Variants in CSMD3 observed in about 807,000 individuals in gnomAD.
CSMD3 encodes CUB and Sushi multiple domains 3.
CSMD3 carries 177 observed loss-of-function variants against 435.2 expected under a neutral mutation model. That is an observed-to-expected ratio of 0.41 (90% confidence interval 0.36 to 0.46). The LOEUF is 0.46. Ranked by LOEUF, CSMD3 falls within the 20% of genes least tolerant of loss-of-function variation. The pLI, the probability that CSMD3 is intolerant of heterozygous loss-of-function variation, is 0.34. For synonymous variants in CSMD3, 1,656 were observed against 1,520.5 expected, an observed-to-expected ratio of 1.09 and a Z score of -2.07; for missense variants, 4,265 against 4,504.6, an observed-to-expected ratio of 0.95 and a Z score of 1.52.
At chr8:112,483,017 C>T (rs1454509898) in intron 31 of CSMD3, among the ~76,000 whole-genome samples, 3 of 152,018 alleles carry the variant, frequency 2.0e-5, no homozygotes, top group African/African-American at 7.2e-5. Flanking sequence ...TAGCATAGTA[C>T]CTGTTTTTAT....
intron 59 of CSMD3, among the ~76,000 whole-genome samples, chr8:112,268,354 A>G (rs1169649264): frequency 6.6e-6 from 1 of 152,250 alleles, no homozygotes; most frequent in East Asian, 1.9e-4. Flanking sequence ...GGCATCATTT[A>G]TGATAAATCT....
intron 32 of CSMD3, among the ~76,000 whole-genome samples, chr8:112,447,697 T>C (rs1052599040): frequency 1.3e-5 from 2 of 152,184 alleles, no homozygotes; most frequent in Non-Finnish European, 2.9e-5. Flanking sequence ...CAAAAATACA[T>C]GCAAAATACC....
chr8:113,015,264 A>G (rs2086411768), intron 6 of CSMD3, among the ~76,000 whole-genome samples: 1 of 152,116 alleles, frequency 6.6e-6, no homozygotes, highest in African/African-American at 2.4e-5. Flanking sequence ...CTTTCAATAG[A>G]AGATGCCCAG....
chr8:112,679,501 A>G (rs1213578194), intron 16 of CSMD3, among the ~76,000 whole-genome samples: 1 of 152,148 alleles, frequency 6.6e-6, no homozygotes, highest in Non-Finnish European at 1.5e-5. Flanking sequence ...GAAACTTCAT[A>G]AGGGTTCTCT....
At chr8:113,016,343 G>T (rs1440502628) in intron 6 of CSMD3, among the ~76,000 whole-genome samples, 1 of 151,718 alleles carries the variant, frequency 6.6e-6, no homozygotes, top group African/African-American at 2.4e-5. Context: ...AATATCTAAA[G>T]CATTCAGGAA....
chr8:112,296,488 T>C (rs1458541281), intron 53 of CSMD3, among the ~76,000 whole-genome samples: 1 of 151,310 alleles, frequency 6.6e-6, no homozygotes, highest in Non-Finnish European at 1.5e-5. Context: ...AGGTGGAGCT[T>C]GCAGTGAGCG....
At chr8:113,125,566 A>G (rs1053766607) in intron 4 of CSMD3, among the ~76,000 whole-genome samples, 10 of 151,914 alleles carry the variant, frequency 6.6e-5, no homozygotes, top group Admixed American at 5.3e-4. Context: ...AGAAGGGATC[A>G]AGAATCTTAG....
intron 57 of CSMD3, 35 bp from the exon 58 acceptor site, chr8:112,287,281 C>T (rs570888137): frequency 1.9e-6 from 3 of 1,607,312 alleles, no homozygotes; most frequent in Non-Finnish European, 2.6e-6. Context: ...AACCAATTCC[C>T]ATAAACATTT....
chr8:112,375,784 A>G (rs945401178), intron 38 of CSMD3, among the ~76,000 whole-genome samples: 3 of 152,134 alleles, frequency 2.0e-5, no homozygotes, highest in African/African-American at 7.2e-5. Context: ...TTATAATTTA[A>G]TGGTCTGTAT....
chr8:112,743,934 A>G (rs905340197), intron 13 of CSMD3, among the ~76,000 whole-genome samples: 3 of 152,062 alleles, frequency 2.0e-5, no homozygotes, highest in African/African-American at 2.4e-5. Flanking sequence ...TGTACAAGCA[A>G]GCAAATCTGA....
intron 27 of CSMD3, among the ~76,000 whole-genome samples, chr8:112,543,128 C>G (rs1826837249): frequency 6.6e-6 from 1 of 152,138 alleles, no homozygotes; most frequent in South Asian, 2.1e-4. Context: ...AAACGCCAGA[C>G]CTGAAACTGT....
chr8:112,773,292 A>G (rs534334797), intron 13 of CSMD3, among the ~76,000 whole-genome samples: 1 of 152,102 alleles, frequency 6.6e-6, no homozygotes, highest in South Asian at 2.1e-4. Context: ...AAACAGAACT[A>G]TTATTTACAA....
At chr8:112,833,112 T>C (rs917821086) in intron 11 of CSMD3, among the ~76,000 whole-genome samples, 1 of 152,130 alleles carries the variant, frequency 6.6e-6, no homozygotes, top group East Asian at 1.9e-4. Flanking sequence ...ACACACTTAA[T>C]ACTTTTGTTC....
At chr8:113,090,372 A>G (rs2089962912) in intron 5 of CSMD3, among the ~76,000 whole-genome samples, 1 of 152,090 alleles carries the variant, frequency 6.6e-6, no homozygotes, top group African/African-American at 2.4e-5. Flanking sequence ...AATTTGAAAT[A>G]TTTGTTTATT....
At position 112,360,390 on chromosome 8, in the gene CSMD3, T is replaced by C. The variant is rs145365420; in HGVS notation, c.6137-7856A>G. 2.5e-3 allele frequency among the ~76,000 whole-genome samples: 384 copies of C among 152,076 alleles called. 8 individuals are homozygous for C. The highest frequency in any genetic ancestry group is 0.017 in the Admixed American group (257 of 15,278). The stretch of plus-strand genomic sequence containing the variant: ...CTGAGATGCTCATTTTTAAACAAGA[T>C]TTTACATAATATACATAAACAAAAT... On this transcript the variant is annotated intron_variant, in intron 38 of 70. Transcript: ENST00000297405.
At chr8:112,608,156 T>C (rs1042082917) in intron 22 of CSMD3, among the ~76,000 whole-genome samples, 1 of 152,010 alleles carries the variant, frequency 6.6e-6, no homozygotes, top group Non-Finnish European at 1.5e-5. Context: ...TTCCATATAC[T>C]AACAATGAAC....
intron 27 of CSMD3, among the ~76,000 whole-genome samples, chr8:112,524,383 A>G (rs1824637184): frequency 1.3e-5 from 2 of 151,946 alleles, no homozygotes; most frequent in Non-Finnish European, 2.9e-5. Context: ...GTTTCACATT[A>G]CTTCTGACTG....
At chr8:112,386,656 C>T (rs2129643493) in intron 36 of CSMD3, among the ~76,000 whole-genome samples, 1 of 152,190 alleles carries the variant, frequency 6.6e-6, no homozygotes, top group African/African-American at 2.4e-5. Flanking sequence ...CGCCACCACG[C>T]CCGGCTAATT....
At chr8:113,100,938 C>A (rs181002363) in intron 4 of CSMD3, among the ~76,000 whole-genome samples, 2 of 152,128 alleles carry the variant, frequency 1.3e-5, no homozygotes, top group Admixed American at 6.6e-5. Flanking sequence ...ATGGAGAAGT[C>A]GGTCTCCTTC....
Sources: gnomAD v4.1 joint callset for allele counts (sites outside exome capture counted in the v4.1 genomes callset) on GRCh38, gnomAD v4.1.1 for gene constraint, MANE v1.5 for transcripts, NCBI Gene and HGNC (gene_info 2026-07-23, HGNC 2026-07-21) for gene names.